Variants in GPC6 observed in about 807,000 individuals in gnomAD.
The protein encoded by GPC6 is glypican 6, also known as glypican-6.
In GPC6, 14 loss-of-function variants were observed where a neutral mutation model predicts 55.2. The observed-to-expected ratio is 0.25, with a 90% CI of 0.17 to 0.40. The LOEUF is 0.40. Among genes scored for constraint, GPC6 ranks in the 10% least tolerant of loss-of-function variants. The pLI, the probability that GPC6 is intolerant of heterozygous loss-of-function variation, is 1.00. For synonymous variants in GPC6, 278 were observed against 259.6 expected (o/e 1.07, Z -0.68); for missense variants, 641 against 708.5 (o/e 0.90, Z 1.08).
chr13:93,911,012 A>G (rs776999828), intron 3 of GPC6, among the ~76,000 whole-genome samples: 17 of 152,332 alleles, frequency 1.1e-4, no homozygotes, highest in Non-Finnish European at 1.9e-4. Context: ...TTGAAATCAG[A>G]ATCCAATATT....
Position 94,063,585 on chromosome 13 carries a change from C to T in GPC6, c.877+35691C>T, listed in dbSNP as rs538501370. Reference sequence around the variant, plus strand: ...TCTACATTGAGTTTTCTCACAGTGTCCTGTGGAGAGGACCATGAAGTAATA... The same window carrying T: ...TCTACATTGAGTTTTCTCACAGTGTTCTGTGGAGAGGACCATGAAGTAATA... On this transcript the variant is annotated intron_variant, in intron 4 of 8. Transcript: ENST00000377047. 4.6e-5 allele frequency among the ~76,000 whole-genome samples: 7 copies of T among 152,206 alleles called. No homozygotes were observed. In the South Asian group the frequency reaches 1.5e-3, roughly 32 times the overall value.
chr13:93,681,994 A>G (rs1881862053), intron 2 of GPC6, among the ~76,000 whole-genome samples: 1 of 152,132 alleles, frequency 6.6e-6, no homozygotes, highest in South Asian at 2.1e-4. Flanking sequence ...TTTCTAGGTC[A>G]ATAATAATTT....
chr13:93,872,810 C>T (rs1176159968), intron 3 of GPC6, among the ~76,000 whole-genome samples: 20 of 151,932 alleles, frequency 1.3e-4, no homozygotes, highest in Admixed American at 1.2e-3. Context: ...TTCTGCCTAC[C>T]GCAGCAGCCA....
intron 6 of GPC6, among the ~76,000 whole-genome samples, chr13:94,322,141 A>G (rs1876861238): frequency 6.6e-6 from 1 of 152,170 alleles, no homozygotes; most frequent in Non-Finnish European, 1.5e-5. Flanking sequence ...AGTTTCCCCC[A>G]TACTGTTCAC....
intron 1 of GPC6, among the ~76,000 whole-genome samples, chr13:93,468,195 A>G (rs1265240865): frequency 6.6e-6 from 1 of 152,122 alleles, no homozygotes; most frequent in Admixed American, 6.5e-5. Context: ...ATGCCCACAT[A>G]TACACGAATA....
At chr13:93,562,788 C>T (rs972354882) in intron 2 of GPC6, among the ~76,000 whole-genome samples, 2 of 152,046 alleles carry the variant, frequency 1.3e-5, no homozygotes, top group Non-Finnish European at 2.9e-5. Context: ...AGGTGCTTTA[C>T]GTGTGTTATC....
At chr13:94,236,622 A>G (rs1890885010) in intron 4 of GPC6, among the ~76,000 whole-genome samples, 1 of 152,164 alleles carries the variant, frequency 6.6e-6, no homozygotes, top group Non-Finnish European at 1.5e-5. Flanking sequence ...ATCAGGGAAA[A>G]CTTTAAAATG....
intron 3 of GPC6, among the ~76,000 whole-genome samples, chr13:93,865,836 C>G (rs1888948958): frequency 6.6e-6 from 1 of 151,580 alleles, no homozygotes; most frequent in Non-Finnish European, 1.5e-5. Flanking sequence ...ATTGTCCTGT[C>G]CTCTGCTTAC....
intron 2 of GPC6, among the ~76,000 whole-genome samples, chr13:93,582,890 C>G (rs1877003260): frequency 6.6e-6 from 1 of 152,188 alleles, no homozygotes; most frequent in East Asian, 1.9e-4. Context: ...AAGCTTATAC[C>G]TAGAGACAGT....
chr13:94,092,882 G>A (rs1187713859), intron 4 of GPC6, among the ~76,000 whole-genome samples: 1 of 152,106 alleles, frequency 6.6e-6, no homozygotes, highest in Non-Finnish European at 1.5e-5. Flanking sequence ...GATTAGTGAT[G>A]TTGAACATGT....
chr13:94,301,763 A>G (rs1345410933), intron 5 of GPC6, among the ~76,000 whole-genome samples: 2 of 152,222 alleles, frequency 1.3e-5, no homozygotes, highest in African/African-American at 2.4e-5. Flanking sequence ...GGTAAATGCA[A>G]TCAGTTTCAG....
At chr13:94,053,463 T>G (rs1380183353) in intron 4 of GPC6, among the ~76,000 whole-genome samples, 1 of 152,180 alleles carries the variant, frequency 6.6e-6, no homozygotes, top group Non-Finnish European at 1.5e-5. Flanking sequence ...TATTTTAAAA[T>G]TTTTACCTAA....
chr13:93,520,712 CAT>C (rs370572041), intron 1 of GPC6, among the ~76,000 whole-genome samples: 58 of 151,918 alleles, frequency 3.8e-4, no homozygotes, highest in African/African-American at 1.3e-3. Context: ...AAGTAGAAAA[CAT>C]AATAAATTTG....
chr13:94,341,973 G>A (rs1878064062), intron 6 of GPC6, among the ~76,000 whole-genome samples: 1 of 152,194 alleles, frequency 6.6e-6, no homozygotes, highest in African/African-American at 2.4e-5. Flanking sequence ...AGAGTTAAAG[G>A]TGTACCATAA....
intron 2 of GPC6, among the ~76,000 whole-genome samples, chr13:93,616,947 A>T (rs1878749281): frequency 6.6e-6 from 1 of 152,098 alleles, no homozygotes; most frequent in Non-Finnish European, 1.5e-5. Context: ...CATACTTTAC[A>T]GTTTGTTTTT....
intron 1 of GPC6, among the ~76,000 whole-genome samples, chr13:93,543,552 G>T (rs1882414763): frequency 1.3e-5 from 2 of 152,090 alleles, no homozygotes; most frequent in Middle Eastern, 3.4e-3. Context: ...ATGAGTTAGG[G>T]AGGATTCCCT....
chr13:93,623,423 A>T (rs537716652), intron 2 of GPC6, among the ~76,000 whole-genome samples: 15 of 145,540 alleles, frequency 1.0e-4, no homozygotes, highest in African/African-American at 3.7e-4. Flanking sequence ...CTCTACTTCC[A>T]GGACAATGGT....
intron 2 of GPC6, among the ~76,000 whole-genome samples, chr13:93,665,307 A>C (rs1189230335): frequency 6.6e-6 from 1 of 152,254 alleles, no homozygotes. Flanking sequence ...AATGAAGTTC[A>C]AGATATATTG....
chr13:93,768,368 A>G (rs187659668), intron 2 of GPC6, among the ~76,000 whole-genome samples: 5 of 152,288 alleles, frequency 3.3e-5, no homozygotes, highest in Admixed American at 3.3e-4. Flanking sequence ...TACCCATTCC[A>G]TAGCACGTAC....
Sources: gnomAD v4.1 joint callset for allele counts (sites outside exome capture counted in the v4.1 genomes callset) on GRCh38, gnomAD v4.1.1 for gene constraint, MANE v1.5 for transcripts, NCBI Gene and HGNC (gene_info 2026-07-23, HGNC 2026-07-21) for gene names.